Variants in AP1G1 observed in about 807,000 individuals in gnomAD.
The protein encoded by AP1G1 is adaptor related protein complex 1 subunit gamma 1, also known as AP-1 complex subunit gamma-1.
AP1G1 carries 7 observed loss-of-function variants against 108.3 expected under a neutral mutation model. The observed-to-expected ratio is 0.06, with a 90% confidence interval of 0.04 to 0.12. AP1G1 has a LOEUF of 0.12. Ranked by LOEUF, AP1G1 falls within the 10% of genes least tolerant of loss-of-function variation. The pLI is 1.00. For synonymous variants in AP1G1, 379 were observed against 353.5 expected (o/e 1.07, Z -0.81); for missense variants, 756 against 1,010.7 (o/e 0.75, Z 3.42).
At chr16:71,750,155 A>G in intron 14 of AP1G1, 55 bp downstream of exon 14, 1 of 1,596,268 alleles carries the variant, frequency 6.3e-7, no homozygotes, top group Non-Finnish European at 8.5e-7. Flanking sequence ...AGAAAAACAT[A>G]CCAGAAAAAT....
chr16:71,756,258 G>A, intron 11 of AP1G1, 99 bp from the exon 12 acceptor site: 1 of 1,095,604 alleles, frequency 9.1e-7, no homozygotes, highest in Non-Finnish European at 1.3e-6. Flanking sequence ...ACTGCCAGAT[G>A]TGCTGACGTC....
intron 22 of AP1G1, 176 bp downstream of exon 22, chr16:71,734,433 G>A: frequency 5.2e-6 from 3 of 574,022 alleles, no homozygotes; most frequent in Non-Finnish European, 9.3e-6. Context: ...TAAGCCACCT[G>A]ATGTCTCTGG....
intron 2 of AP1G1, among the ~76,000 whole-genome samples, chr16:71,780,937 C>G (rs2031990887): frequency 6.6e-6 from 1 of 152,020 alleles, no homozygotes; most frequent in African/African-American, 2.4e-5. Flanking sequence ...CCTGCCTCAG[C>G]TTCCTAAAGT....
rs931040377 is a variant in AP1G1, at chr16:71,751,600, T to C, written c.1285-1268A>G. On this transcript the variant is annotated intron_variant, in intron 13 of 22. Coordinates refer to ENST00000299980, the MANE Select transcript of AP1G1 (RefSeq NM_001128.6). ...GGTGAGAAGCTAAAAAGCAGGTAAT[T>C]TGCAGTATAGTTTATTTACATCCTT... 3.9e-5 allele frequency among the ~76,000 whole-genome samples: 6 copies of C among 152,244 alleles called. No homozygotes were observed. The East Asian group carries it at 9.7e-4, about 25-fold the overall frequency.
chr16:71,750,620 T>G (rs1243942482), intron 13 of AP1G1: 1 of 292,514 alleles, frequency 3.4e-6, no homozygotes, highest in Non-Finnish European at 6.6e-6. Flanking sequence ...TTCACCATGT[T>G]GGTCAGGGTG....
chr16:71,734,284 A>G (rs2045506486), intron 22 of AP1G1, among the ~76,000 whole-genome samples: 1 of 152,232 alleles, frequency 6.6e-6, no homozygotes, highest in Non-Finnish European at 1.5e-5. Flanking sequence ...CAGTAAATGT[A>G]GGTATTTGGT....
In AP1G1 at chr16:71,731,496, T is replaced by A. The variant is rs1403095877; in HGVS notation, c.*1562A>T. On this transcript the variant is annotated 3_prime_UTR_variant, in exon 23 of 23. Coordinates refer to ENST00000299980, the MANE Select transcript of AP1G1 (RefSeq NM_001128.6). ...AGTCATTATACTGTATTCAATACAGTAACAATTGCAAACATTGTAAGAGCA... is the reference window on the plus strand; with the variant it reads ...AGTCATTATACTGTATTCAATACAGAAACAATTGCAAACATTGTAAGAGCA... 6 of 152,594 alleles carry A rather than the reference T, an allele frequency of 3.9e-5. No individual in the cohort carries two copies. The highest frequency in any genetic ancestry group is 1.4e-4 in the African/African-American group (6 of 41,446). 9.5% of individuals were successfully genotyped at this position (152,594 alleles called of 1,614,324 possible).
At chr16:71,758,411 T>C in intron 11 of AP1G1, 2 of 521,432 alleles carry the variant, frequency 3.8e-6, no homozygotes, top group Non-Finnish European at 7.7e-6. Context: ...ACGTGTGCTG[T>C]CAGCAGTTTG....
chr16:71,796,866 G>A (rs1387324009), intron 1 of AP1G1, among the ~76,000 whole-genome samples: 1 of 151,942 alleles, frequency 6.6e-6, no homozygotes, highest in Non-Finnish European at 1.5e-5. Context: ...CAATTCAACA[G>A]CACTGAGATG....
intron 1 of AP1G1, chr16:71,806,750 T>C (rs755007682): frequency 7.8e-7 from 1 of 1,282,618 alleles, no homozygotes; most frequent in South Asian, 1.2e-5. Context: ...AAGAGAAAAT[T>C]CCATTGCTTC....
intron 15 of AP1G1, among the ~76,000 whole-genome samples, chr16:71,749,552 T>G (rs1302544304): frequency 6.6e-6 from 1 of 151,884 alleles, no homozygotes; most frequent in Non-Finnish European, 1.5e-5. Context: ...GGTTTTCCAA[T>G]ATAATTCGCG....
intron 5 of AP1G1, among the ~76,000 whole-genome samples, chr16:71,770,669 G>A (rs1261791232): frequency 1.3e-5 from 2 of 152,194 alleles, no homozygotes; most frequent in African/African-American, 4.8e-5. Context: ...ACAGAGATGG[G>A]TTCTGACTTT....
intron 1 of AP1G1, among the ~76,000 whole-genome samples, chr16:71,800,123 G>C (rs1479372419): frequency 6.6e-6 from 1 of 150,940 alleles, no homozygotes; most frequent in African/African-American, 2.4e-5. Context: ...CCAGCACTTT[G>C]GGAGGCCGAG....
Position 71,764,558 on chromosome 16 carries a change from CAAAT to C in AP1G1, c.819+84_819+87del, listed in dbSNP as rs1480946168. 2.4e-6 allele frequency: 3 copies of C among 1,272,600 alleles called. No individual in the cohort carries two copies. In the African/African-American group the frequency reaches 4.6e-5, roughly 19 times the overall value. 78.8% of individuals were successfully genotyped at this position (1,272,600 alleles called of 1,614,324 possible). Reference sequence around the variant, plus strand: ...GATTACAGCTATGAATGAGGAAACACAAATAAAAACTGCTCCATATAACCATAAT... The same window carrying C: ...GATTACAGCTATGAATGAGGAAACACAAAAACTGCTCCATATAACCATAAT... On this transcript the variant is annotated intron_variant, in intron 8 of 22. Coordinates refer to ENST00000299980, the MANE Select transcript of AP1G1 (RefSeq NM_001128.6).
chr16:71,808,015 C>T (rs2142297234), intron 1 of AP1G1: 1 of 1,205,404 alleles, frequency 8.3e-7, no homozygotes, highest in Non-Finnish European at 1.1e-6. Context: ...TAAACATTAC[C>T]CTGAGCGAGT....
chr16:71,770,133 CTT>C (rs370428169), intron 5 of AP1G1, among the ~76,000 whole-genome samples: 37 of 152,226 alleles, frequency 2.4e-4, no homozygotes, highest in African/African-American at 8.9e-4. Context: ...TCTGAGAAAA[CTT>C]TGGATGACAA....
At chr16:71,749,007 C>T (rs965236568) in intron 15 of AP1G1, among the ~76,000 whole-genome samples, 7 of 151,942 alleles carry the variant, frequency 4.6e-5, no homozygotes, top group South Asian at 2.1e-4. Flanking sequence ...CCCGGGTTCA[C>T]GCCATTCTCC....
At chr16:71,738,896 G>T (rs1355415101) in intron 21 of AP1G1, 46 bp downstream of exon 21, 1 of 1,506,830 alleles carries the variant, frequency 6.6e-7, no homozygotes. Context: ...AAAAAAGCCA[G>T]CCAATCTTTA....
rs377238040 is a variant in AP1G1, at chr16:71,796,894, GCA to G, written c.-3-7414_-3-7413del. 2.0e-3 allele frequency among the ~76,000 whole-genome samples: 308 copies of G among 152,146 alleles called. 2 individuals carry two copies. Among genetic ancestry groups the G allele is most frequent in the African/African-American group, 7.0e-3 (290 of 41,496 alleles). ...CTGAGATGCATAAAAAGCAGACTGG[GCA>G]CAGTGGCTCAGGCCTGTAATCCCAG... is the stretch of plus-strand genomic sequence containing the variant. On this transcript the variant is annotated intron_variant, in intron 1 of 22. Coordinates refer to ENST00000299980, the MANE Select transcript of AP1G1 (RefSeq NM_001128.6).
Sources: allele counts gnomAD v4.1 joint callset (sites outside exome capture counted in the v4.1 genomes callset), GRCh38; gene constraint gnomAD v4.1.1; transcripts MANE v1.5; gene names NCBI Gene and HGNC (gene_info 2026-07-23, HGNC 2026-07-21).